Variants in WDR41 observed in about 807,000 individuals in gnomAD.
WDR41 encodes the protein WD repeat domain 41.
In WDR41, 63 loss-of-function variants were observed where a neutral mutation model predicts 69.3. The observed-to-expected ratio is 0.91, with a 90% CI of 0.74 to 1.12. The LOEUF is 1.12. WDR41 is among the 50% of genes most tolerant of loss of function. The pLI is 0.00. For synonymous variants in WDR41, 185 were observed against 192.1 expected, an observed-to-expected ratio of 0.96 and a Z score of 0.31; for missense variants, 543 against 534.5, an observed-to-expected ratio of 1.02 and a Z score of -0.16.
At chr5:77,598,374 A>G (rs941274276) in intron 1 of WDR41, among the ~76,000 whole-genome samples, 3 of 152,352 alleles carry the variant, frequency 2.0e-5, no homozygotes, top group East Asian at 3.9e-4. Context: ...GTCAGAGCCA[A>G]TGACAGTCAA....
At chr5:77,458,584 T>A (rs1799923772) in intron 5 of WDR41, among the ~76,000 whole-genome samples, 1 of 152,036 alleles carries the variant, frequency 6.6e-6, no homozygotes, top group African/African-American at 2.4e-5. Flanking sequence ...CAATTAATAA[T>A]TGTTTGTAAA....
chr5:77,501,525 G>C (rs534692806), intron 1 of WDR41, among the ~76,000 whole-genome samples: 2 of 152,220 alleles, frequency 1.3e-5, no homozygotes, highest in African/African-American at 4.8e-5. Flanking sequence ...GAGAGCAGTG[G>C]TTCTCCCAGC....
At chr5:77,530,993 T>C (rs998168218) in intron 1 of WDR41, among the ~76,000 whole-genome samples, 9 of 151,414 alleles carry the variant, frequency 5.9e-5, no homozygotes, top group Non-Finnish European at 1.2e-4. Context: ...TCGCTTGTTA[T>C]ACAAAAATTA....
At chr5:77,548,389 A>G (rs1225551608) in intron 1 of WDR41, among the ~76,000 whole-genome samples, 2 of 152,382 alleles carry the variant, frequency 1.3e-5, no homozygotes, top group East Asian at 3.9e-4. Context: ...TACATCTGAC[A>G]AAGGACTAAT....
intron 1 of WDR41, among the ~76,000 whole-genome samples, chr5:77,526,987 C>T: frequency 6.6e-6 from 1 of 151,964 alleles, no homozygotes; most frequent in South Asian, 2.1e-4. Context: ...TCTCTTTCCA[C>T]ATCTATGGAA....
At chr5:77,554,254 G>T (rs1384756712) in intron 1 of WDR41, among the ~76,000 whole-genome samples, 1 of 152,126 alleles carries the variant, frequency 6.6e-6, no homozygotes, top group Non-Finnish European at 1.5e-5. Context: ...ATCGATTAGT[G>T]GTTGCCAGAT....
chr5:77,508,979 G>A (rs545226017), intron 1 of WDR41, among the ~76,000 whole-genome samples: 1 of 152,234 alleles, frequency 6.6e-6, no homozygotes, highest in East Asian at 1.9e-4. Flanking sequence ...ACAATGTCCT[G>A]TGGTATAAAT....
chr5:77,609,830 A>T (rs971883358), intron 1 of WDR41, among the ~76,000 whole-genome samples: 1 of 152,262 alleles, frequency 6.6e-6, no homozygotes, highest in Non-Finnish European at 1.5e-5. Flanking sequence ...GAGTTGAGAG[A>T]AGAAGGCTTC....
intron 1 of WDR41, among the ~76,000 whole-genome samples, chr5:77,515,076 C>T (rs1802272963): frequency 6.6e-6 from 1 of 152,076 alleles, no homozygotes; most frequent in Non-Finnish European, 1.5e-5. Flanking sequence ...TTTCTTTCTT[C>T]AATCATAAAT....
chr5:77,616,400 A>G (rs1744681875), intron 1 of WDR41, among the ~76,000 whole-genome samples: 1 of 152,212 alleles, frequency 6.6e-6, no homozygotes, highest in Non-Finnish European at 1.5e-5. Flanking sequence ...GATCTGCATT[A>G]TAATTAATGT....
chr5:77,595,679 T>C (rs536329735), intron 1 of WDR41, among the ~76,000 whole-genome samples: 32 of 152,332 alleles, frequency 2.1e-4, no homozygotes, highest in African/African-American at 5.3e-4. Flanking sequence ...TGTGCAAAAT[T>C]ATCTAATGAA....
chr5:77,600,929 ATGTGTGTGTG>A (rs71608111), intron 1 of WDR41, among the ~76,000 whole-genome samples: 14 of 144,194 alleles, frequency 9.7e-5, no homozygotes, highest in South Asian at 2.3e-4. Context: ...CTCTGTGTGT[ATGTGTGTGTG>A]TGTGTGTGTG....
intron 1 of WDR41, among the ~76,000 whole-genome samples, chr5:77,614,200 A>G (rs1744626757): frequency 6.7e-6 from 1 of 149,018 alleles, no homozygotes; most frequent in Non-Finnish European, 1.5e-5. Flanking sequence ...TGTTGGTGGG[A>G]CTGTAAACTA....
chr5:77,447,277 G>A (rs1349364363), intron 8 of WDR41, among the ~76,000 whole-genome samples: 2 of 152,220 alleles, frequency 1.3e-5, no homozygotes, highest in Non-Finnish European at 2.9e-5. Flanking sequence ...ATGCTGACAA[G>A]GCTGTGGAGA....
chr5:77,537,385 G>A (rs1047090673), intron 1 of WDR41, among the ~76,000 whole-genome samples: 2 of 152,252 alleles, frequency 1.3e-5, no homozygotes, highest in Non-Finnish European at 2.9e-5. Context: ...TGTTTGGTCA[G>A]GAGGCCGAAG....
intron 1 of WDR41, among the ~76,000 whole-genome samples, chr5:77,501,811 G>A (rs892946693): frequency 6.6e-6 from 1 of 152,050 alleles, no homozygotes; most frequent in Admixed American, 6.6e-5. Context: ...TAGAATGAAA[G>A]CTAACAAACA....
At chr5:77,603,322 G>A (rs1043719361) in intron 1 of WDR41, among the ~76,000 whole-genome samples, 8 of 152,160 alleles carry the variant, frequency 5.3e-5, no homozygotes, top group African/African-American at 1.9e-4. Flanking sequence ...GATTAATGAT[G>A]TTGAGCATTT....
intron 1 of WDR41, among the ~76,000 whole-genome samples, chr5:77,600,231 A>C (rs935049407): frequency 6.6e-6 from 1 of 152,222 alleles, no homozygotes; most frequent in Admixed American, 6.5e-5. Flanking sequence ...CACACTAAAA[A>C]TAATAGCCTT....
rs189977448 is a variant in WDR41, at chr5:77,619,995, T to C, written c.42+484A>G. ...TACTGGTACTTTTTTTCCTATCTTA[T>C]TGTGAAATATGTCCAAGAAATAAGC... On this transcript the variant is annotated intron_variant, in intron 1 of 5. Transcript: ENST00000509971. 8.4e-4 allele frequency among the ~76,000 whole-genome samples: 128 copies of C among 152,258 alleles called. 2 individuals are homozygous for C. The highest frequency in any genetic ancestry group is 3.0e-3 in the African/African-American group (123 of 41,540).
Sources: gnomAD v4.1 joint callset for allele counts (sites outside exome capture counted in the v4.1 genomes callset) on GRCh38, gnomAD v4.1.1 for gene constraint, MANE v1.5 for transcripts, NCBI Gene and HGNC (gene_info 2026-07-23, HGNC 2026-07-21) for gene names.